The following LPCAT1 variants were observed in gnomAD, a reference collection of about 807,000 sequenced individuals.
LPCAT1 encodes 1-acylglycerol-3-phosphate O-acyltransferase.
LPCAT1 carries 23 observed loss-of-function variants against 60.9 expected under a neutral mutation model. That is an observed-to-expected ratio of 0.38 (90% CI 0.27 to 0.53). LPCAT1 has a LOEUF of 0.53. LPCAT1 is among the 20% of genes least tolerant of loss of function. The pLI is 0.82. For synonymous variants in LPCAT1, 340 were observed against 301.1 expected, an observed-to-expected ratio of 1.13 and a Z score of -1.34; for missense variants, 622 against 723.6, an observed-to-expected ratio of 0.86 and a Z score of 1.61.
rs1261098470 is a variant in LPCAT1 at position 1,463,061 on chromosome 5, G to A, written c.*590C>T. ...ATCCTTTGACTCTAAAAGGAAAAAT[G>A]AAGTAGAAAAACAATTTTCATTTTT... On this transcript the variant is annotated 3_prime_UTR_variant, in exon 14 of 14. Transcript: ENST00000283415. 6.6e-6 allele frequency: 1 copy of A among 151,808 alleles called. No homozygotes were observed. The highest frequency in any genetic ancestry group is 1.5e-5 in the Non-Finnish European group (1 of 67,932). The allele number at this position is 151,808 out of a possible 1,614,324, so 9.4% of individuals were successfully genotyped here.
intron 3 of LPCAT1, among the ~76,000 whole-genome samples, chr5:1,493,377 T>C (rs918417342): frequency 6.6e-6 from 1 of 152,228 alleles, no homozygotes; most frequent in African/African-American, 2.4e-5. Context: ...CCACCCTCAG[T>C]GGTCAGCACC....
intron 2 of LPCAT1, 85 bp from the exon 3 acceptor site, chr5:1,494,999 GCCCT>G (rs1735732813): frequency 7.8e-7 from 1 of 1,283,678 alleles, no homozygotes; most frequent in Non-Finnish European, 1.1e-6. Flanking sequence ...CCACGGGAGA[GCCCT>G]CCAGGGCGCA....
chr5:1,501,416 C>A (rs200676132), intron 2 of LPCAT1, 45 bp downstream of exon 2: 2 of 1,565,550 alleles, frequency 1.3e-6, no homozygotes, highest in East Asian at 2.4e-5. Flanking sequence ...TGTTTGGCCG[C>A]GTGACCCCCC....
chr5:1,520,860 C>CAAAAAAAAAAAAAAAAAAAAAAAAAAA (rs59074953), intron 1 of LPCAT1, among the ~76,000 whole-genome samples: 2 of 82,040 alleles, frequency 2.4e-5, no homozygotes, highest in Non-Finnish European at 4.6e-5. Context: ...GAGACTGTCT[C>CAAAAAAAAAAAAAAAAAAAAAAAAAAA]AAAAAAAAAA....
intron 13 of LPCAT1, among the ~76,000 whole-genome samples, chr5:1,464,705 C>CACACACA (rs574422308): frequency 4.5e-4 from 62 of 137,328 alleles, no homozygotes; most frequent in African/African-American, 1.7e-3. Context: ...TGCACACACA[C>CACACACA]AAAGAGCACA....
In LPCAT1 at chr5:1,521,734, G is replaced by C. The variant is rs894134343; in HGVS notation, c.135+1976C>G. ...CAAGCCAGGATCTCTGCCTGGCTTC[G>C]GCCCAAGGGAGAACAGCTGCCCAAA... On this transcript the variant is annotated intron_variant, in intron 1 of 13. Transcript: ENST00000283415. The surrounding 1 kb of genome is among the most constrained non-coding windows in gnomAD (Gnocchi z 4.3). Among the ~76,000 whole-genome samples the C allele has an allele frequency of 1.3e-5, 2 of 152,078 alleles. No individual in the cohort carries two copies. The highest frequency in any genetic ancestry group is 2.9e-5 in the Non-Finnish European group (2 of 68,008).
chr5:1,502,516 G>A lies in LPCAT1; in HGVS notation c.136-913C>T, dbSNP rs991294762. 2.6e-5 allele frequency among the ~76,000 whole-genome samples: 4 copies of A among 152,154 alleles called. No individual in the cohort carries two copies. The highest frequency in any genetic ancestry group is 4.4e-5 in the Non-Finnish European group (3 of 68,022). The stretch of plus-strand genomic sequence containing the variant: ...GGGCAGGGGCGCAGGTCAATATGGG[G>A]GCTCAGGAAGGCCCCCCAAGCCAGG... On this transcript the variant is annotated intron_variant, in intron 1 of 13. Coordinates refer to ENST00000283415, the MANE Select transcript of LPCAT1 (RefSeq NM_024830.5). The surrounding 1 kb of genome is among the most constrained non-coding windows in gnomAD (Gnocchi z 5.5).
At chr5:1,488,536 A>G (rs902913904) in intron 4 of LPCAT1, 85 bp from the exon 5 acceptor site, 12 of 937,818 alleles carry the variant, frequency 1.3e-5, no homozygotes, top group African/African-American at 1.2e-4. Context: ...TTCACAATAT[A>G]TTTTCTTTTC....
chr5:1,507,826 A>G (rs1318849713), intron 1 of LPCAT1, among the ~76,000 whole-genome samples: 1 of 152,238 alleles, frequency 6.6e-6, no homozygotes, highest in African/African-American at 2.4e-5. Context: ...CTGGGTCTAG[A>G]TGCAACCACC....
rs202218033 is a variant in LPCAT1 at position 1,474,656 on chromosome 5, G to A, written c.929C>T (p.Thr310Met). Residue 310 changes from threonine (T) to methionine (M), a missense_variant, in exon 10 of 14, where the codon ACG (threonine) becomes ATG (methionine). By Grantham distance (81) the Thr-to-Met change is moderately conservative. Around this residue, in one of 3 missense-constraint regions of LPCAT1, gnomAD observed 209 missense variants for 325.5 expected, o/e 0.64. Coordinates refer to ENST00000283415, the MANE Select transcript of LPCAT1 (RefSeq NM_024830.5). ...EALGVSVTDY[T>M]FEDCQLALAE... is the part of the protein sequence containing the mutation. Reference sequence around the variant, plus strand: ...CAGGGCCAGCTGGCAGTCCTCGAACGTGTAGTCAGTCACGGAGACACCCAA... The same window carrying A: ...CAGGGCCAGCTGGCAGTCCTCGAACATGTAGTCAGTCACGGAGACACCCAA... The A allele has an allele frequency of 3.1e-6, 5 of 1,613,886 alleles. No individual in the cohort carries two copies. Among genetic ancestry groups the A allele is most frequent in the Admixed American group, 3.3e-5 (2 of 59,996 alleles).
intron 3 of LPCAT1, 126 bp downstream of exon 3, chr5:1,494,574 T>C: frequency 1.2e-6 from 1 of 864,246 alleles, no homozygotes; most frequent in Non-Finnish European, 1.8e-6. Flanking sequence ...GGGGTCTCAC[T>C]CATTCCCAAC....
At chr5:1,482,500 GT>G (rs1735190536) in intron 6 of LPCAT1, among the ~76,000 whole-genome samples, 2 of 5,362 alleles carry the variant, frequency 3.7e-4, no homozygotes, top group Admixed American at 1.6e-3. Context: ...GCAGGCTGGG[GT>G]GGGGTGGGGT....
chr5:1,498,380 G>A (rs1400675323), intron 2 of LPCAT1, among the ~76,000 whole-genome samples: 2 of 152,174 alleles, frequency 1.3e-5, no homozygotes, highest in Admixed American at 1.3e-4. Flanking sequence ...GCTTTCATCA[G>A]TGCTGCTGAA....
chr5:1,474,115 AC>A lies in LPCAT1; in HGVS notation c.1026-6del, dbSNP rs1734802150. ...TCAAGCTTTTCTGGTTTTAGCCTAG[AC>A]AAAAAAAGAGGGAAAGCTTTCTTTT... On this transcript the variant is annotated splice_region_variant and splice_polypyrimidine_tract_variant and intron_variant, in intron 10 of 13. Transcript: ENST00000283415. 6.2e-7 allele frequency: 1 copy of A among 1,608,032 alleles called. No homozygotes were observed. The highest frequency in any genetic ancestry group is 8.5e-7 in the Non-Finnish European group (1 of 1,176,818).
intron 1 of LPCAT1, among the ~76,000 whole-genome samples, chr5:1,520,722 G>A (rs1046522240): frequency 5.9e-5 from 9 of 151,812 alleles, no homozygotes; most frequent in Admixed American, 4.6e-4. Flanking sequence ...AATTAGCCGG[G>A]CATTGTGGCG....
rs1258671914 is a variant in LPCAT1, at chr5:1,481,551, G to A, written c.727-575C>T. Among the ~76,000 whole-genome samples, 4 of 152,402 alleles carry A rather than the reference G, an allele frequency of 2.6e-5. No individual in the cohort carries two copies. Among genetic ancestry groups the A allele is most frequent in the South Asian group, 2.1e-4 (1 of 4,832 alleles). ...CCGTGACGGCAGAGGCCCAGACACCGTCACCCTGGGGTGGACCTTCTGCTC... is the reference window on the plus strand; with the variant it reads ...CCGTGACGGCAGAGGCCCAGACACCATCACCCTGGGGTGGACCTTCTGCTC... On this transcript the variant is annotated intron_variant, in intron 6 of 13. Transcript: ENST00000283415. The surrounding 1 kb of genome is among the most constrained non-coding windows in gnomAD (Gnocchi z 7.8).
At chr5:1,467,734 C>A (rs1734485569) in intron 12 of LPCAT1, among the ~76,000 whole-genome samples, 1 of 151,224 alleles carries the variant, frequency 6.6e-6, no homozygotes. Context: ...GGCCCACGGG[C>A]TCTGTGGCAG....
At chr5:1,493,052 C>G (rs1174491396) in intron 3 of LPCAT1, among the ~76,000 whole-genome samples, 2 of 152,252 alleles carry the variant, frequency 1.3e-5, no homozygotes, top group African/African-American at 2.4e-5. Context: ...GCCTGTGGAG[C>G]TTGCAGAGCG....
At chr5:1,491,161 C>T (rs1735562910) in intron 3 of LPCAT1, among the ~76,000 whole-genome samples, 1 of 108,434 alleles carries the variant, frequency 9.2e-6, no homozygotes, top group South Asian at 3.2e-4. Flanking sequence ...TTCACGATTC[C>T]AGTACTATTT....
Sources: allele counts gnomAD v4.1 joint callset (sites outside exome capture counted in the v4.1 genomes callset), GRCh38; gene constraint gnomAD v4.1.1; regional missense constraint gnomAD v4.1.1; non-coding constraint Gnocchi (gnomAD v3.1); transcripts MANE v1.5; gene names NCBI Gene and HGNC (gene_info 2026-07-23, HGNC 2026-07-21).